Variants in ZFAND3 observed in about 807,000 individuals in gnomAD.
ZFAND3 encodes the protein zinc finger AN1-type containing 3, also known as AN1-type zinc finger protein 3.
In ZFAND3, 10 loss-of-function variants were observed where a neutral mutation model predicts 29.6. The observed-to-expected ratio is 0.34, with a 90% CI of 0.21 to 0.57. The LOEUF is 0.57. Ranked by LOEUF, ZFAND3 falls within the 20% of genes least tolerant of loss-of-function variation. ZFAND3 has a pLI of 0.86. For synonymous variants in ZFAND3, 128 were observed against 112.6 expected, an observed-to-expected ratio of 1.14 and a Z score of -0.87; for missense variants, 230 against 304.5, an observed-to-expected ratio of 0.76 and a Z score of 1.82.
intron 1 of ZFAND3, among the ~76,000 whole-genome samples, chr6:37,894,387 C>CT (rs34388484): frequency 0.29 from 42,882 of 148,456 alleles, 6,922 homozygotes; most frequent in Non-Finnish European, 0.38. Flanking sequence ...TTTCCTTTCC[C>CT]TTTTTTTTTT....
chr6:38,006,021 G>A (rs1448468794), intron 2 of ZFAND3, among the ~76,000 whole-genome samples: 1 of 152,192 alleles, frequency 6.6e-6, no homozygotes, highest in African/African-American at 2.4e-5. Flanking sequence ...GATAGAGCCA[G>A]CTGACTTCAG....
intron 1 of ZFAND3, among the ~76,000 whole-genome samples, chr6:37,847,531 G>C (rs1052368990): frequency 6.6e-6 from 1 of 152,084 alleles, no homozygotes; most frequent in Non-Finnish European, 1.5e-5. Context: ...CCGAGATCGC[G>C]CCACTGCACT....
intron 5 of ZFAND3, chr6:38,142,202 TGTGTTGATTGAAAG>T (rs1765971483): frequency 2.1e-6 from 1 of 471,168 alleles, no homozygotes; most frequent in South Asian, 1.5e-5. Context: ...GTGATCCCAG[TGTGTTGATTGAAAG>T]GTCAGTTGGG....
chr6:37,966,262 A>G (rs765694310), intron 2 of ZFAND3, among the ~76,000 whole-genome samples: 1 of 152,218 alleles, frequency 6.6e-6, no homozygotes, highest in Non-Finnish European at 1.5e-5. Context: ...GTCTATACAA[A>G]TGCTAGAATG....
At chr6:38,063,798 C>G (rs772022244) in intron 3 of ZFAND3, among the ~76,000 whole-genome samples, 10 of 152,090 alleles carry the variant, frequency 6.6e-5, no homozygotes, top group Non-Finnish European at 1.2e-4. Context: ...TGTTTTTGAG[C>G]AGAGGAGGTG....
chr6:37,857,203 TA>T lies in ZFAND3; in HGVS notation c.71+37192del, dbSNP rs1034013443. 7.2e-5 allele frequency among the ~76,000 whole-genome samples: 11 copies of T among 152,330 alleles called. 1 individual carries two copies. Among genetic ancestry groups the T allele is most frequent in the Admixed American group, 3.3e-4 (5 of 15,288 alleles). ...TAGAAAATCCAGAATAATGGAATCA[TA>T]AAAATAGCCCACGTTCAGATATGCT... On this transcript the variant is annotated intron_variant, in intron 1 of 5. Transcript: ENST00000287218.
intron 2 of ZFAND3, among the ~76,000 whole-genome samples, chr6:38,023,503 A>G (rs982245546): frequency 1.3e-5 from 2 of 152,200 alleles, no homozygotes; most frequent in Non-Finnish European, 2.9e-5. Context: ...TTGAAACAAC[A>G]TGTTGTGTAT....
chr6:38,100,601 C>T (rs1765073030), intron 4 of ZFAND3, among the ~76,000 whole-genome samples: 1 of 152,170 alleles, frequency 6.6e-6, no homozygotes. Flanking sequence ...CTGTTGATTA[C>T]CAGCTACAAA....
intron 2 of ZFAND3, among the ~76,000 whole-genome samples, chr6:38,008,319 A>G (rs945623001): frequency 6.6e-6 from 1 of 152,222 alleles, no homozygotes; most frequent in Non-Finnish European, 1.5e-5. Flanking sequence ...CTGTATCTAA[A>G]GGGCTTGAAA....
intron 1 of ZFAND3, among the ~76,000 whole-genome samples, chr6:37,891,196 A>C (rs1765091533): frequency 6.6e-6 from 1 of 152,178 alleles, no homozygotes; most frequent in Non-Finnish European, 1.5e-5. Flanking sequence ...TCTTTAACTT[A>C]GTATAATGTT....
chr6:38,142,202 T>C, intron 5 of ZFAND3: 1 of 471,286 alleles, frequency 2.1e-6, no homozygotes, highest in Non-Finnish European at 4.4e-6. Flanking sequence ...GTGATCCCAG[T>C]GTGTTGATTG....
intron 1 of ZFAND3, among the ~76,000 whole-genome samples, chr6:37,909,412 T>A (rs1051688728): frequency 6.6e-6 from 1 of 151,848 alleles, no homozygotes; most frequent in Non-Finnish European, 1.5e-5. Context: ...CCCTAGTAGC[T>A]GGGACTACAG....
At chr6:37,920,861 T>C (rs1761364104) in intron 1 of ZFAND3, among the ~76,000 whole-genome samples, 1 of 152,156 alleles carries the variant, frequency 6.6e-6, no homozygotes, top group Non-Finnish European at 1.5e-5. Context: ...CTGGTCTTTT[T>C]CGTGTTTGCC....
intron 1 of ZFAND3, among the ~76,000 whole-genome samples, chr6:37,836,533 T>C (rs1416488186): frequency 6.6e-6 from 1 of 152,192 alleles, no homozygotes; most frequent in Non-Finnish European, 1.5e-5. Flanking sequence ...TTGAGACATC[T>C]CTGCTCCTTG....
intron 2 of ZFAND3, among the ~76,000 whole-genome samples, chr6:37,948,701 A>G (rs1470087319): frequency 6.6e-6 from 1 of 152,204 alleles, no homozygotes; most frequent in Admixed American, 6.5e-5. Context: ...AAGTGAGAAC[A>G]TGTGGTATTT....
chr6:38,151,337 A>G (rs2127499373), intron 5 of ZFAND3, among the ~76,000 whole-genome samples: 1 of 152,328 alleles, frequency 6.6e-6, no homozygotes, highest in East Asian at 1.9e-4. Flanking sequence ...TCTGCTTCAA[A>G]AAGAGCCTTG....
intron 1 of ZFAND3, among the ~76,000 whole-genome samples, chr6:37,853,380 A>G (rs187720513): frequency 2.9e-3 from 430 of 149,818 alleles, no homozygotes; most frequent in Non-Finnish European, 5.5e-3. Context: ...TGTCTGCTTT[A>G]ACATTTTGCC....
intron 1 of ZFAND3, among the ~76,000 whole-genome samples, chr6:37,839,522 G>GT (rs71542140): frequency 0.015 from 2,018 of 133,068 alleles, 20 homozygotes; most frequent in Middle Eastern, 0.051. Context: ...TTGTTGTTTT[G>GT]TTTTTTTTTT....
At chr6:37,845,738 T>C (rs1174273645) in intron 1 of ZFAND3, among the ~76,000 whole-genome samples, 1 of 152,222 alleles carries the variant, frequency 6.6e-6, no homozygotes, top group Non-Finnish European at 1.5e-5. Context: ...CCTTGGAACA[T>C]ACTCTCTTAG....
Sources: allele counts gnomAD v4.1 joint callset (sites outside exome capture counted in the v4.1 genomes callset), GRCh38; gene constraint gnomAD v4.1.1; transcripts MANE v1.5; gene names NCBI Gene and HGNC (gene_info 2026-07-23, HGNC 2026-07-21).